ZC3H15: variants seen among roughly 807,000 people sequenced by gnomAD.
ZC3H15 encodes the protein zinc finger CCCH-type containing 15.
ZC3H15 carries 15 observed loss-of-function variants against 51.2 expected under a neutral mutation model. The ratio of observed to expected loss-of-function variants is 0.29; its 90% CI spans 0.20 to 0.45. The LOEUF (loss-of-function observed/expected upper bound fraction) is 0.45, where lower values mean the gene tolerates loss of function less well. Ranked by LOEUF, ZC3H15 falls within the 20% of genes least tolerant of loss-of-function variation. ZC3H15 has a pLI of 1.00. For synonymous variants in ZC3H15, 144 were observed against 162.8 expected (o/e 0.88, Z 0.88); for missense variants, 381 against 494.7 (o/e 0.77, Z 2.18).
intron 2 of ZC3H15, chr2:186,499,529 T>C: frequency 2.2e-6 from 1 of 453,624 alleles, no homozygotes. Flanking sequence ...TATGTTACAG[T>C]TGTTGACATG....
In ZC3H15 at chr2:186,505,811, C is replaced by G. The variant is rs747053852; in HGVS notation, c.936C>G (p.Thr312=). 6.2e-7 allele frequency: 1 copy of G among 1,613,922 alleles called. No individual in the cohort carries two copies. Among genetic ancestry groups the G allele is most frequent in the Admixed American group, 1.7e-5 (1 of 59,990 alleles). Residue 312 remains threonine, a synonymous_variant, in exon 8 of 10, where the codon ACC becomes ACG. Transcript: ENST00000337859. ...ATGATGATGAGGAAGCAGATGATACCCGCTACACCCAGGGAACAGGTGGTG... is the reference window on the plus strand; with the variant it reads ...ATGATGATGAGGAAGCAGATGATACGCGCTACACCCAGGGAACAGGTGGTG... The part of the protein sequence containing the change: ...VNDDDEEADD[T]RYTQGTGGDE...
intron 6 of ZC3H15, among the ~76,000 whole-genome samples, chr2:186,504,709 C>G (rs1256282627): frequency 6.6e-6 from 1 of 152,150 alleles, no homozygotes; most frequent in Non-Finnish European, 1.5e-5. Context: ...GTCTTTGGCT[C>G]CGTACAAAAC....
chr2:186,498,977 G>A (rs1368886287), intron 2 of ZC3H15, among the ~76,000 whole-genome samples: 1 of 152,132 alleles, frequency 6.6e-6, no homozygotes, highest in Admixed American at 6.5e-5. Flanking sequence ...CTTGCACTCT[G>A]TATGTCTAAA....
At position 186,504,157 on chromosome 2, in the gene ZC3H15, T is replaced by A. The variant is rs754936968; in HGVS notation, c.660T>A (p.Asp220Glu). Residue 220 changes from aspartate (D) to glutamate (E), a missense_variant, in exon 6 of 10, where the codon GAT (aspartate) becomes GAA (glutamate). Around this residue, in one of 3 missense-constraint regions of ZC3H15, gnomAD observed 215 missense variants for 241.8 expected, o/e 0.89. Coordinates refer to ENST00000337859, the MANE Select transcript of ZC3H15 (RefSeq NM_018471.3). Reference protein sequence around the residue: ...ALPPGFVLKKDKKKEEKEDEI... With the variant: ...ALPPGFVLKKEKKKEEKEDEI... ...CTCCTGGATTTGTGTTGAAAAAAGA[T>A]AAAAAGAAAGAAGAGAAAGAAGATG... 1.2e-6 allele frequency: 2 copies of A among 1,610,394 alleles called. No homozygotes were observed. Among genetic ancestry groups the A allele is most frequent in the Middle Eastern group, 1.7e-4 (1 of 6,054 alleles).
chr2:186,500,138 T>A, intron 2 of ZC3H15, 44 bp from the exon 3 acceptor site: 1 of 1,544,272 alleles, frequency 6.5e-7, no homozygotes, highest in Non-Finnish European at 8.8e-7. Flanking sequence ...AAAAACAATT[T>A]TGTAAACAAT....
intron 1 of ZC3H15, among the ~76,000 whole-genome samples, chr2:186,495,032 A>C (rs1685259831): frequency 6.6e-6 from 1 of 152,086 alleles, no homozygotes; most frequent in Non-Finnish European, 1.5e-5. Flanking sequence ...AATGATGATA[A>C]TGTTGAGTAC....
intron 1 of ZC3H15, chr2:186,487,158 A>T (rs769479314): frequency 2.0e-5 from 3 of 152,158 alleles, no homozygotes; most frequent in Non-Finnish European, 4.4e-5. Flanking sequence ...ATATATGTAT[A>T]CATCTATGTG....
At chr2:186,504,286 T>TG (rs11402438) in intron 6 of ZC3H15, 72 bp downstream of exon 6, 1,252,234 of 1,252,286 alleles carry the variant, frequency 1, 626,091 homozygotes, top group Middle Eastern at 1. Flanking sequence ...ACTTACCACT[T>TG]GGGGCAATAG....
intron 1 of ZC3H15, chr2:186,488,943 A>G (rs1685151571): frequency 6.2e-6 from 1 of 161,454 alleles, no homozygotes; most frequent in African/African-American, 2.4e-5. Flanking sequence ...ATCATTCTTT[A>G]ACCTAACCTG....
chr2:186,495,209 A>C (rs1475072403), intron 1 of ZC3H15, 24 bp from the exon 2 acceptor site: 1 of 1,437,854 alleles, frequency 7.0e-7, no homozygotes, highest in Admixed American at 2.4e-5. Context: ...TTGCTAAGAT[A>C]TTTCTGTGCT....
Position 186,508,959 on chromosome 2 carries a change from T to C in ZC3H15, c.*226T>C. The C allele has an allele frequency of 1.6e-6, 1 of 627,290 alleles. No homozygotes were observed. The highest frequency in any genetic ancestry group is 3.2e-5 in the East Asian group (1 of 31,202). The allele number at this position is 627,290 out of a possible 1,614,324, so 38.9% of individuals were successfully genotyped here. On this transcript the variant is annotated 3_prime_UTR_variant, in exon 10 of 10. Coordinates refer to ENST00000337859, the MANE Select transcript of ZC3H15 (RefSeq NM_018471.3). ...TCATGATAAATTGAAAATATAATGG[T>C]CATTGCAGAAAATGATTGATGTTGT... is the stretch of plus-strand genomic sequence containing the variant.
intron 2 of ZC3H15, chr2:186,497,035 G>T (rs1417895701): frequency 9.3e-5 from 32 of 345,832 alleles, no homozygotes; most frequent in South Asian, 2.6e-4. Context: ...TTATCCATTG[G>T]CAACTCATTT....
intron 1 of ZC3H15, among the ~76,000 whole-genome samples, chr2:186,490,806 G>A (rs1685185463): frequency 1.3e-5 from 2 of 152,192 alleles, no homozygotes; most frequent in South Asian, 4.1e-4. Flanking sequence ...GGCTCTTGGA[G>A]CCTCAGGAAG....
intron 2 of ZC3H15, among the ~76,000 whole-genome samples, chr2:186,496,205 T>C (rs1255771522): frequency 6.6e-6 from 1 of 152,236 alleles, no homozygotes; most frequent in Non-Finnish European, 1.5e-5. Flanking sequence ...TTTATTTTTA[T>C]AGTCTATGTC....
intron 5 of ZC3H15, among the ~76,000 whole-genome samples, chr2:186,503,182 G>T (rs1685414320): frequency 6.6e-6 from 1 of 152,104 alleles, no homozygotes; most frequent in African/African-American, 2.4e-5. Flanking sequence ...TGTTATGTTT[G>T]TTTTTGGGGG....
intron 2 of ZC3H15, among the ~76,000 whole-genome samples, chr2:186,497,902 G>A (rs1041643539): frequency 5.9e-5 from 9 of 152,192 alleles, no homozygotes; most frequent in Non-Finnish European, 1.2e-4. Flanking sequence ...GAAATGAGCA[G>A]TAGTGCTGCT....
intron 1 of ZC3H15, among the ~76,000 whole-genome samples, chr2:186,490,087 A>AT (rs1249802726): frequency 6.6e-6 from 1 of 152,048 alleles, no homozygotes; most frequent in African/African-American, 2.4e-5. Context: ...TATTGCCTCC[A>AT]TTTTTTAATA....
At position 186,506,698 on chromosome 2, in the gene ZC3H15, T is replaced by C; in HGVS notation, c.967-15T>C. Reference sequence around the variant, plus strand: ...TCTTATTTGTAACAACTTTCTTTTCTATATGTTGTTAAAGGTTGATGATTC... The same window carrying C: ...TCTTATTTGTAACAACTTTCTTTTCCATATGTTGTTAAAGGTTGATGATTC... On this transcript the variant is annotated splice_polypyrimidine_tract_variant and intron_variant, in intron 8 of 9. Transcript: ENST00000337859. 6.3e-7 allele frequency: 1 copy of C among 1,595,164 alleles called. No homozygotes were observed.
At chr2:186,497,066 T>A (rs1685293942) in intron 2 of ZC3H15, 1 of 378,704 alleles carries the variant, frequency 2.6e-6, no homozygotes, top group East Asian at 9.1e-5. Context: ...TAGCCCCTTT[T>A]TTTTTCAGGT....
Sources: allele counts gnomAD v4.1 joint callset (sites outside exome capture counted in the v4.1 genomes callset), GRCh38; gene constraint gnomAD v4.1.1; regional missense constraint gnomAD v4.1.1; transcripts MANE v1.5; gene names NCBI Gene and HGNC (gene_info 2026-07-23, HGNC 2026-07-21).